The following PAPSS1 variants were observed in gnomAD, a reference collection of about 807,000 sequenced individuals.
PAPSS1 encodes the protein 3'-phosphoadenosine 5'-phosphosulfate synthase 1.
A neutral mutation model predicts 72.0 loss-of-function variants in PAPSS1; 50 were observed. The ratio of observed to expected loss-of-function variants is 0.69; its 90% CI spans 0.55 to 0.88. The LOEUF (loss-of-function observed/expected upper bound fraction) is 0.88, where lower values mean the gene tolerates loss of function less well. Among genes scored for constraint, PAPSS1 ranks in the 40% least tolerant of loss-of-function variants. The probability of loss-of-function intolerance (pLI) is 0.00; values close to 1 mark genes in which losing one functional copy is unlikely to be tolerated. For missense variants in PAPSS1, 657 were observed against 782.2 expected (o/e 0.84, Z 1.91); for synonymous variants, 261 against 263.6 (o/e 0.99, Z 0.09).
intron 4 of PAPSS1, 48 bp from the exon 5 acceptor site, chr4:107,682,181 A>G (rs1196674434): frequency 1.0e-6 from 1 of 998,760 alleles, no homozygotes; most frequent in South Asian, 1.4e-5. Context: ...TAAAATTAAA[A>G]TAGTTTATTT....
At chr4:107,694,965 G>A (rs965552688) in intron 2 of PAPSS1, among the ~76,000 whole-genome samples, 1 of 142,208 alleles carries the variant, frequency 7.0e-6, no homozygotes, top group African/African-American at 2.5e-5. Context: ...AAAAAAAATA[G>A]AAGAGAGGGC....
intron 10 of PAPSS1, among the ~76,000 whole-genome samples, chr4:107,632,695 TA>T (rs1300234973): frequency 6.6e-6 from 1 of 152,148 alleles, no homozygotes; most frequent in Non-Finnish European, 1.5e-5. Flanking sequence ...ACATTCTCCA[TA>T]AAATTTGAAG....
At chr4:107,717,815 T>C (rs1412182283) in intron 1 of PAPSS1, among the ~76,000 whole-genome samples, 1 of 152,192 alleles carries the variant, frequency 6.6e-6, no homozygotes, top group Non-Finnish European at 1.5e-5. Context: ...GATCATCTTC[T>C]AACATTCCTC....
chr4:107,645,113 CA>C (rs759568200), intron 9 of PAPSS1, 43 bp from the exon 10 acceptor site: 5 of 1,390,338 alleles, frequency 3.6e-6, no homozygotes, highest in Admixed American at 5.6e-5. Flanking sequence ...ATGTTTCTAA[CA>C]GATTACTTTC....
intron 4 of PAPSS1, among the ~76,000 whole-genome samples, chr4:107,685,414 G>T (rs1241497715): frequency 1.3e-5 from 2 of 152,126 alleles, no homozygotes; most frequent in Non-Finnish European, 2.9e-5. Flanking sequence ...TAAAATTAAA[G>T]TAAGTAAAAG....
intron 8 of PAPSS1, 108 bp from the exon 9 acceptor site, chr4:107,653,734 T>A: frequency 1.3e-6 from 1 of 771,090 alleles, no homozygotes; most frequent in African/African-American, 1.8e-5. Flanking sequence ...TCATCTTAAA[T>A]GAGGTAAATC....
chr4:107,712,057 T>C (rs996598123), intron 1 of PAPSS1, among the ~76,000 whole-genome samples: 2 of 152,348 alleles, frequency 1.3e-5, no homozygotes, highest in Admixed American at 1.3e-4. Context: ...CCATCTGTCA[T>C]GCATACACTC....
intron 3 of PAPSS1, among the ~76,000 whole-genome samples, chr4:107,691,400 T>C (rs908883252): frequency 6.6e-6 from 1 of 152,194 alleles, no homozygotes; most frequent in Non-Finnish European, 1.5e-5. Context: ...CAGCAATAAC[T>C]GGCAGAGCTG....
intron 4 of PAPSS1, among the ~76,000 whole-genome samples, chr4:107,684,948 C>T (rs1722736733): frequency 6.6e-6 from 1 of 152,050 alleles, no homozygotes; most frequent in African/African-American, 2.4e-5. Flanking sequence ...CTCTGTCGCC[C>T]AGGCTAGAGT....
chr4:107,694,097 T>G, intron 2 of PAPSS1, 91 bp from the exon 3 acceptor site: 1 of 906,054 alleles, frequency 1.1e-6, no homozygotes, highest in Non-Finnish European at 1.7e-6. Flanking sequence ...ACAAGAGTCT[T>G]GCTCTGCCAC....
chr4:107,687,010 A>C, intron 4 of PAPSS1, 29 bp downstream of exon 4: 1 of 1,588,410 alleles, frequency 6.3e-7, no homozygotes, highest in Non-Finnish European at 8.5e-7. Context: ...ATCTAAGCAA[A>C]GTGAAACTGG....
chr4:107,694,896 C>T (rs1424451677), intron 2 of PAPSS1, among the ~76,000 whole-genome samples: 2 of 151,874 alleles, frequency 1.3e-5, no homozygotes, highest in Non-Finnish European at 2.9e-5. Flanking sequence ...ATACTAAAGT[C>T]TAATGTACCA....
intron 5 of PAPSS1, among the ~76,000 whole-genome samples, chr4:107,678,920 T>C (rs1727731398): frequency 6.6e-6 from 1 of 151,990 alleles, no homozygotes; most frequent in Admixed American, 6.6e-5. Context: ...TGGAAGCAAA[T>C]ATGGTCTGCC....
Position 107,660,050 on chromosome 4 carries a change from G to T in PAPSS1, c.692C>A (p.Ser231Tyr). The change falls in exon 6 of 12, where the codon TCT (serine) becomes TAT (tyrosine). Residue 231 changes from serine to tyrosine, a missense_variant. Around this residue, in one of 7 missense-constraint regions of PAPSS1, gnomAD observed 190 missense variants for 176.7 expected, o/e 1.07. Transcript: ENST00000265174. The stretch of plus-strand genomic sequence containing the variant: ...CACATATAGTTCTTTTACTTCATAA[G>T]ATGCATCCACAGGTACAATATCCTA... ...QERDIVPVDA[S>Y]YEVKELYVPE... 1 of 1,584,358 alleles carries T rather than the reference G, an allele frequency of 6.3e-7. No individual in the cohort carries two copies. Among genetic ancestry groups the T allele is most frequent in the Non-Finnish European group, 8.6e-7 (1 of 1,157,176 alleles).
chr4:107,715,924 T>A (rs1346908519), intron 1 of PAPSS1, among the ~76,000 whole-genome samples: 1 of 152,208 alleles, frequency 6.6e-6, no homozygotes, highest in Admixed American at 6.5e-5. Context: ...CAGATGAGGA[T>A]ATTGAGAGAT....
rs1181910824 is a variant in PAPSS1, at chr4:107,614,210, C to T, written c.*39G>A. 3 of 1,592,566 alleles carry T rather than the reference C, an allele frequency of 1.9e-6. No homozygotes were observed. Among genetic ancestry groups the T allele is most frequent in the African/African-American group, 1.3e-5 (1 of 74,412 alleles). On this transcript the variant is annotated 3_prime_UTR_variant, in exon 12 of 12. Coordinates refer to ENST00000265174, the MANE Select transcript of PAPSS1 (RefSeq NM_005443.5). ...GAGACTATGTGGTCCCCTCTTGTTA[C>T]TAGTAATGTGTCAAAGGTGGAGTGA...
chr4:107,691,191 A>T (rs1722910117), intron 3 of PAPSS1, among the ~76,000 whole-genome samples: 1 of 152,128 alleles, frequency 6.6e-6, no homozygotes, highest in Non-Finnish European at 1.5e-5. Context: ...AAAAAAAAAA[A>T]AGTCCAAGTA....
chr4:107,679,038 A>G (rs1264019098), intron 5 of PAPSS1, among the ~76,000 whole-genome samples: 1 of 152,090 alleles, frequency 6.6e-6, no homozygotes, highest in Non-Finnish European at 1.5e-5. Flanking sequence ...ATGTGAGGAA[A>G]AGAAAACTCC....
At chr4:107,684,289 T>A (rs1722714680) in intron 4 of PAPSS1, among the ~76,000 whole-genome samples, 1 of 152,176 alleles carries the variant, frequency 6.6e-6, no homozygotes, top group Non-Finnish European at 1.5e-5. Flanking sequence ...CAAATTTTCA[T>A]CAGATAGGTT....
Sources: gnomAD v4.1 joint callset for allele counts (sites outside exome capture counted in the v4.1 genomes callset) on GRCh38, gnomAD v4.1.1 for gene constraint, gnomAD v4.1.1 regional missense constraint, MANE v1.5 for transcripts, NCBI Gene and HGNC (gene_info 2026-07-23, HGNC 2026-07-21) for gene names.